Variants in SYNE2 observed in about 807,000 individuals in gnomAD.
The protein encoded by SYNE2 is spectrin repeat containing nuclear envelope protein 2.
A neutral mutation model predicts 856.3 loss-of-function variants in SYNE2; 431 were observed. That is an observed-to-expected ratio of 0.50 (90% CI 0.47 to 0.55). The LOEUF (loss-of-function observed/expected upper bound fraction) is 0.55, where lower values mean the gene tolerates loss of function less well. Ranked by LOEUF, SYNE2 falls within the 20% of genes least tolerant of loss-of-function variation. The pLI, the probability that SYNE2 is intolerant of heterozygous loss-of-function variation, is 0.00. For missense variants in SYNE2, 8,129 were observed against 8,023.2 expected (o/e 1.01, Z -0.50); for synonymous variants, 2,923 against 2,872.3 (o/e 1.02, Z -0.56).
Position 64,167,363 on chromosome 14 carries a change from C to G in SYNE2, c.16736C>G (p.Thr5579Arg). The G allele has an allele frequency of 6.2e-7, 1 of 1,614,194 alleles. No homozygotes were observed. Among genetic ancestry groups the G allele is most frequent in the Non-Finnish European group, 8.5e-7 (1 of 1,180,024 alleles). Residue 5579 changes from threonine to arginine, a missense_variant, in exon 91 of 116, where the codon ACG (threonine) becomes AGG (arginine). Thr to Arg is a moderately conservative substitution (Grantham distance 71). Coordinates refer to ENST00000555002, the MANE Select transcript of SYNE2 (RefSeq NM_182914.3). ...QNMNRQWIRA[T>R]ATALERCSEL... ...ATGAACCGGCAATGGATTCGGGCCACGGCCACGGCACTGGAGCGCTGCAGG... is the reference window on the plus strand; with the variant it reads ...ATGAACCGGCAATGGATTCGGGCCAGGGCCACGGCACTGGAGCGCTGCAGG...
rs767470375 is a variant in SYNE2 at position 64,053,463 on chromosome 14, CAT to C, written c.9553_9554del (p.Ile3185SerfsTer3). On this transcript the variant is annotated frameshift_variant, in exon 48 of 116. Transcript: ENST00000555002. LOFTEE classifies it high-confidence loss of function. Reference protein sequence around the residue: ...QPLLINLEIKHIQNEKDNCEA... With the variant: ...QPLLINLEIKXIQNEKDNCEA... ...ATTACTTATAAATTTGGAAATTAAACATATTCAAAATGAAAAGGACAATTGTG... is the reference window on the plus strand; with the variant it reads ...ATTACTTATAAATTTGGAAATTAAACATTCAAAATGAAAAGGACAATTGTG... 1.2e-6 allele frequency: 2 copies of C among 1,613,902 alleles called. No homozygotes were observed. The highest frequency in any genetic ancestry group is 8.5e-7 in the Non-Finnish European group (1 of 1,179,984).
intron 45 of SYNE2, among the ~76,000 whole-genome samples, chr14:64,041,510 A>G (rs2097148169): frequency 6.6e-6 from 1 of 152,178 alleles, no homozygotes; most frequent in Non-Finnish European, 1.5e-5. Flanking sequence ...GGATATGCAA[A>G]AGCAGTTCGC....
At chr14:63,944,278 T>TTATATATATA (rs71123818) in intron 6 of SYNE2, among the ~76,000 whole-genome samples, 19 of 144,054 alleles carry the variant, frequency 1.3e-4, no homozygotes, top group African/African-American at 4.9e-4. Flanking sequence ...TTCTGAATTT[T>TTATATATATA]TATATATATA....
At chr14:64,050,926 C>A (rs1325750235) in intron 47 of SYNE2, among the ~76,000 whole-genome samples, 18 of 151,102 alleles carry the variant, frequency 1.2e-4, no homozygotes, top group Non-Finnish European at 4.4e-5. Context: ...GAGGCTGAGG[C>A]AGGAGAATGG....
At chr14:64,119,647 A>T in intron 67 of SYNE2, 38 bp downstream of exon 67, 1 of 1,606,888 alleles carries the variant, frequency 6.2e-7, no homozygotes, top group Non-Finnish European at 8.5e-7. Flanking sequence ...ATCTTGATAC[A>T]CATATGTGGC....
chr14:63,828,054 AGGTGTGGT>A (rs1889526413), intron 1 of SYNE2, among the ~76,000 whole-genome samples: 1 of 148,270 alleles, frequency 6.7e-6, no homozygotes, highest in South Asian at 2.1e-4. Context: ...AAAATTAGCC[AGGTGTGGT>A]GGTGCATGCC....
chr14:64,072,545 G>GC (rs1427420319), intron 52 of SYNE2, among the ~76,000 whole-genome samples: 2 of 151,544 alleles, frequency 1.3e-5, no homozygotes, highest in African/African-American at 2.4e-5. Flanking sequence ...TGTCGCCTAG[G>GC]CTGGAGTACA....
At chr14:63,861,096 C>G (rs1047582758) in intron 1 of SYNE2, among the ~76,000 whole-genome samples, 1 of 151,610 alleles carries the variant, frequency 6.6e-6, no homozygotes, top group Non-Finnish European at 1.5e-5. Context: ...TTTTTTCCAG[C>G]TCTTCAAGTC....
At position 63,963,935 on chromosome 14, in the gene SYNE2, C is replaced by T; in HGVS notation, c.925C>T (p.Gln309Ter). Residue 309 changes from glutamine (Q) to a stop codon, truncating the protein, a stop_gained, in exon 10 of 116, where the codon CAA (glutamine) becomes TAA (stop). Coordinates refer to ENST00000555002, the MANE Select transcript of SYNE2 (RefSeq NM_182914.3). LOFTEE classifies it high-confidence loss of function. ...AGATGCTATGGGCTGGTTAACTCTG[C>T]AAAAGGAAAAACTACAGAAGTTGCT... ...VKDAMGWLTL[Q>*]KEKLQKLLKD... is the part of the protein sequence containing the mutation. 6.2e-7 allele frequency: 1 copy of T among 1,612,874 alleles called. No individual in the cohort carries two copies. The highest frequency in any genetic ancestry group is 1.1e-5 in the South Asian group (1 of 91,040).
In SYNE2 at chr14:64,070,956, G is replaced by A. The variant is rs373235722; in HGVS notation, c.10697+46G>A. ...TTAAGGACGTGTGCTTGACAATTAT[G>A]GCTCAAAATTTAGAAAATCTAAAAG... is the stretch of plus-strand genomic sequence containing the variant. On this transcript the variant is annotated intron_variant, in intron 52 of 115. Coordinates refer to ENST00000555002, the MANE Select transcript of SYNE2 (RefSeq NM_182914.3). 125 of 1,605,460 alleles carry A rather than the reference G, an allele frequency of 7.8e-5. No homozygotes were observed. In the East Asian group the frequency reaches 8.3e-4, roughly 11 times the overall value.
rs971515667 is a variant in SYNE2, at chr14:64,220,149, T to C, written c.19861-288T>C. On this transcript the variant is annotated intron_variant, in intron 110 of 115. Coordinates refer to ENST00000555002, the MANE Select transcript of SYNE2 (RefSeq NM_182914.3). ...ACATATACTTTATCTGGAAGACCTT[T>C]AGTCGGTCCAGAAACATTAAGCCAG... Among the ~76,000 whole-genome samples, 7 of 152,308 alleles carry C rather than the reference T, an allele frequency of 4.6e-5. No homozygotes were observed. In the East Asian group the frequency reaches 1.2e-3, roughly 25 times the overall value.
In SYNE2 at chr14:63,990,572, C is replaced by A. The variant is rs375196911; in HGVS notation, c.2472+3C>A. The A allele has an allele frequency of 8.1e-6, 13 of 1,612,846 alleles. No homozygotes were observed. In the African/African-American group the frequency reaches 1.6e-4, roughly 20 times the overall value. On this transcript the variant is annotated splice_donor_region_variant and intron_variant, in intron 20 of 115. Transcript: ENST00000555002. ...AAGAAGCTAAAGAGAAAGTCCAGGTCTCTCTTTAATATTCCCTATTTAGTA... is the reference window on the plus strand; with the variant it reads ...AAGAAGCTAAAGAGAAAGTCCAGGTATCTCTTTAATATTCCCTATTTAGTA...
chr14:63,994,401 G>C (rs2096695959), intron 22 of SYNE2, among the ~76,000 whole-genome samples: 2 of 152,122 alleles, frequency 1.3e-5, no homozygotes, highest in Non-Finnish European at 1.5e-5. Context: ...TAAGTGGATT[G>C]AATATGTACT....
chr14:64,138,122 T>G, intron 79 of SYNE2, 139 bp downstream of exon 79: 1 of 864,392 alleles, frequency 1.2e-6, no homozygotes, highest in Non-Finnish European at 1.9e-6. Flanking sequence ...TGGGTCCCTC[T>G]TCTGGGCTAA....
rs1384940903 is a variant in SYNE2, at chr14:64,210,084, A to G, written c.18683A>G (p.Asn6228Ser). The change falls in exon 103 of 116, where the codon AAC becomes AGC. Residue 6228 changes from asparagine to serine, a missense_variant. Asn to Ser is a conservative substitution (Grantham distance 46). Transcript: ENST00000555002. ...CACGAGGGCAACCAGCGCTGGGACA[A>G]CCTTCAGAGGCGGGTCACAGCCGTC... ...MVHEGNQRWD[N>S]LQRRVTAVLR... 1.9e-6 allele frequency: 3 copies of G among 1,614,084 alleles called. No individual in the cohort carries two copies. Among genetic ancestry groups the G allele is most frequent in the East Asian group, 2.2e-5 (1 of 44,882 alleles).
intron 53 of SYNE2, among the ~76,000 whole-genome samples, chr14:64,074,433 T>A (rs1379620608): frequency 6.6e-6 from 1 of 152,216 alleles, no homozygotes; most frequent in Non-Finnish European, 1.5e-5. Flanking sequence ...CTCAGACCAC[T>A]CTTAAGTAGT....
chr14:64,216,448 G>C (rs753739456), intron 108 of SYNE2, 61 bp downstream of exon 108: 2 of 1,578,822 alleles, frequency 1.3e-6, no homozygotes, highest in Non-Finnish European at 1.7e-6. Context: ...ACATTTGCAA[G>C]AGAGAGAGAT....
chr14:63,908,315 C>G (rs1033944519), intron 1 of SYNE2, among the ~76,000 whole-genome samples: 19 of 152,274 alleles, frequency 1.2e-4, no homozygotes, highest in Middle Eastern at 6.8e-3. Flanking sequence ...CCTATGTACA[C>G]CCCCAATCTA....
At chr14:63,866,089 C>T (rs1895245308) in intron 1 of SYNE2, among the ~76,000 whole-genome samples, 1 of 152,150 alleles carries the variant, frequency 6.6e-6, no homozygotes, top group African/African-American at 2.4e-5. Flanking sequence ...GATATGTCCT[C>T]AGCCCCCAAA....
Sources: allele counts gnomAD v4.1 joint callset (sites outside exome capture counted in the v4.1 genomes callset), GRCh38; gene constraint gnomAD v4.1.1; transcripts MANE v1.5; gene names NCBI Gene and HGNC (gene_info 2026-07-23, HGNC 2026-07-21).